Variants in SUMF1 observed in about 807,000 individuals in gnomAD.
The protein encoded by SUMF1 is sulfatase modifying factor 1, also known as formylglycine-generating enzyme.
In SUMF1, 48 loss-of-function variants were observed where a neutral mutation model predicts 47.6. The observed-to-expected ratio is 1.01, with a 90% confidence interval of 0.80 to 1.28. SUMF1 has a LOEUF of 1.28. Ranked by LOEUF, SUMF1 falls within the 50% of genes most tolerant of loss-of-function variation. The pLI, the probability that SUMF1 is intolerant of heterozygous loss-of-function variation, is 0.00. For missense variants in SUMF1, 571 were observed against 485.4 expected (o/e 1.18, Z -1.66); for synonymous variants, 230 against 192.1 (o/e 1.20, Z -1.63).
chr3:4,370,784 T>C (rs895722667), intron 8 of SUMF1, among the ~76,000 whole-genome samples: 3 of 152,230 alleles, frequency 2.0e-5, no homozygotes, highest in African/African-American at 7.2e-5. Flanking sequence ...TATTTTCATT[T>C]TGATCTTTAC....
At chr3:4,044,169 T>C (rs1694964539) in intron 9 of SUMF1, among the ~76,000 whole-genome samples, 1 of 152,166 alleles carries the variant, frequency 6.6e-6, no homozygotes, top group Non-Finnish European at 1.5e-5. Flanking sequence ...GCCCTTGCCT[T>C]CTTATGTTAG....
At chr3:4,061,148 A>T (rs1156550723) in intron 9 of SUMF1, among the ~76,000 whole-genome samples, 1 of 152,202 alleles carries the variant, frequency 6.6e-6, no homozygotes, top group African/African-American at 2.4e-5. Context: ...CCTGATCCAG[A>T]ATAGCTTCAG....
rs1038071393 is a variant in SUMF1 at position 4,351,595 on chromosome 3, T to C, written c.1014+24735A>G. 3.9e-5 allele frequency among the ~76,000 whole-genome samples: 6 copies of C among 152,310 alleles called. No individual in the cohort carries two copies. The East Asian group carries it at 9.6e-4, about 24-fold the overall frequency. On this transcript the variant is annotated intron_variant and NMD_transcript_variant, in intron 8 of 12. Coordinates refer to the SUMF1 transcript ENST00000448413. ...TTGATCATGTTTTCCAGTGGATGAATGTGTTCCATGCACCCAAGCCTTCTT... is the reference window on the plus strand; with the variant it reads ...TTGATCATGTTTTCCAGTGGATGAACGTGTTCCATGCACCCAAGCCTTCTT...
chr3:4,283,341 T>C (rs76944038), intron 8 of SUMF1, among the ~76,000 whole-genome samples: 3,391 of 152,306 alleles, frequency 0.022, 45 homozygotes, highest in Non-Finnish European at 0.031. Context: ...TACGTTCAAC[T>C]AGAACTATTT....
intron 8 of SUMF1, among the ~76,000 whole-genome samples, chr3:4,345,154 G>A (rs1429063459): frequency 6.6e-6 from 1 of 152,102 alleles, no homozygotes; most frequent in Non-Finnish European, 1.5e-5. Context: ...AGCAAGACAG[G>A]CCAACACGCA....
intron 8 of SUMF1, among the ~76,000 whole-genome samples, chr3:4,318,861 A>G (rs567562756): frequency 1.1e-4 from 16 of 152,300 alleles, no homozygotes; most frequent in African/African-American, 3.6e-4. Flanking sequence ...AGCTGAGATT[A>G]CACCACTGCA....
chr3:4,200,939 TTATAG>T (rs1356408165), intron 8 of SUMF1, among the ~76,000 whole-genome samples: 4 of 152,090 alleles, frequency 2.6e-5, no homozygotes, highest in Admixed American at 1.3e-4. Flanking sequence ...TACTATAACT[TTATAG>T]TAAAGTTTTG....
intron 8 of SUMF1, among the ~76,000 whole-genome samples, chr3:4,140,243 C>T (rs1694041552): frequency 6.6e-6 from 1 of 152,072 alleles, no homozygotes; most frequent in South Asian, 2.1e-4. Context: ...CTCCCAAATT[C>T]TAGACACTGA....
At chr3:4,218,954 C>T (rs184935767) in intron 8 of SUMF1, among the ~76,000 whole-genome samples, 1 of 152,100 alleles carries the variant, frequency 6.6e-6, no homozygotes, top group Non-Finnish European at 1.5e-5. Context: ...AAGTCAGATT[C>T]TAGTAGGCAG....
chr3:4,251,062 T>C (rs920461112), intron 8 of SUMF1, among the ~76,000 whole-genome samples: 1 of 152,188 alleles, frequency 6.6e-6, no homozygotes, highest in Non-Finnish European at 1.5e-5. Context: ...CTGATGGTCC[T>C]AGGCAAAGCA....
intron 8 of SUMF1, among the ~76,000 whole-genome samples, chr3:4,144,331 T>C (rs59473612): frequency 6.6e-6 from 1 of 151,992 alleles, no homozygotes; most frequent in South Asian, 2.1e-4. Context: ...ATGTGGCAGA[T>C]GAGAAAAGAG....
intron 8 of SUMF1, among the ~76,000 whole-genome samples, chr3:4,288,297 G>A (rs912631485): frequency 2.6e-5 from 4 of 152,134 alleles, no homozygotes; most frequent in Non-Finnish European, 5.9e-5. Context: ...TGTTGGCACA[G>A]CACAAAAATG....
intron 7 of SUMF1, among the ~76,000 whole-genome samples, chr3:4,382,426 G>C (rs766638862): frequency 5.9e-5 from 9 of 152,034 alleles, no homozygotes; most frequent in Admixed American, 1.3e-4. Context: ...ACAAGGGGTA[G>C]AAGAATATAC....
intron 1 of SUMF1, among the ~76,000 whole-genome samples, chr3:4,456,945 C>CGTGT (rs2079656060): frequency 1.3e-4 from 7 of 55,912 alleles, no homozygotes; most frequent in Non-Finnish European, 2.0e-4. Context: ...CGTGTGTGTA[C>CGTGT]ATATATACGT....
intron 8 of SUMF1, among the ~76,000 whole-genome samples, chr3:4,151,265 T>A (rs1223183562): frequency 6.7e-6 from 1 of 149,282 alleles, no homozygotes; most frequent in African/African-American, 2.5e-5. Flanking sequence ...AACATTAAAA[T>A]ATAGATATTT....
chr3:4,047,696 G>A (rs1215745184), intron 9 of SUMF1, among the ~76,000 whole-genome samples: 3 of 152,054 alleles, frequency 2.0e-5, no homozygotes, highest in African/African-American at 7.2e-5. Context: ...ATTAATTGGT[G>A]GGGATTAATA....
At chr3:4,087,011 T>G (rs1485854652) in intron 8 of SUMF1, among the ~76,000 whole-genome samples, 3 of 152,122 alleles carry the variant, frequency 2.0e-5, no homozygotes, top group African/African-American at 4.8e-5. Context: ...GAAAACAGAC[T>G]AATACAAAGT....
chr3:4,191,502 A>G (rs1341657070), intron 8 of SUMF1, among the ~76,000 whole-genome samples: 1 of 152,162 alleles, frequency 6.6e-6, no homozygotes, highest in African/African-American at 2.4e-5. Context: ...TTTGACCTAG[A>G]AGTGACATAA....
intron 8 of SUMF1, among the ~76,000 whole-genome samples, chr3:4,198,844 C>A (rs1559557896): frequency 6.6e-6 from 1 of 151,862 alleles, no homozygotes; most frequent in African/African-American, 2.4e-5. Context: ...TTTCAAGAAC[C>A]ACCATGAAGT....
Sources: gnomAD v4.1 joint callset for allele counts (sites outside exome capture counted in the v4.1 genomes callset) on GRCh38, gnomAD v4.1.1 for gene constraint, MANE v1.5 for transcripts, NCBI Gene and HGNC (gene_info 2026-07-23, HGNC 2026-07-21) for gene names.